The following STARD13 variants were observed in gnomAD, a reference collection of about 807,000 sequenced individuals.
STARD13 encodes stAR-related lipid transfer protein 13.
STARD13 carries 62 observed loss-of-function variants against 106.4 expected under a neutral mutation model. The observed-to-expected ratio is 0.58, with a 90% CI of 0.48 to 0.72. The LOEUF is 0.72. Among genes scored for constraint, STARD13 ranks in the 30% least tolerant of loss-of-function variants. STARD13 has a pLI of 0.00. For synonymous variants in STARD13, 565 were observed against 553.0 expected (o/e 1.02, Z -0.31); for missense variants, 1,387 against 1,424.0 (o/e 0.97, Z 0.42).
the STARD13 span, among the ~76,000 whole-genome samples, chr13:33,535,032 A>G: frequency 6.6e-6 from 1 of 152,118 alleles, no homozygotes; most frequent in Admixed American, 6.5e-5. Context: ...CCTGGCCAAC[A>G]TGGTGAAACT....
At chr13:33,603,089 A>C in the STARD13 span, among the ~76,000 whole-genome samples, 10 of 152,264 alleles carry the variant, frequency 6.6e-5, no homozygotes, top group South Asian at 1.9e-3. Context: ...CGGGCCTCTC[A>C]AAGTATCAAA....
chr13:33,371,210 A>G, the STARD13 span, among the ~76,000 whole-genome samples: 5 of 152,196 alleles, frequency 3.3e-5, no homozygotes, highest in African/African-American at 1.2e-4. Flanking sequence ...TATGCTCTAG[A>G]AGAGGTCAGC....
In STARD13 at chr13:33,130,145, T is replaced by C. The variant is rs903298149; in HGVS notation, c.532A>G (p.Arg178Gly). 5.0e-6 allele frequency: 8 copies of C among 1,614,118 alleles called. No individual in the cohort carries two copies. The highest frequency in any genetic ancestry group is 6.8e-6 in the Non-Finnish European group (8 of 1,180,016). The change falls in exon 5 of 14, where the codon AGG becomes GGG. Residue 178 changes from arginine to glycine, a missense_variant. Transcript: ENST00000336934. This position sits in a 1 kb window ranked among gnomAD's most constrained non-coding sequence, Gnocchi z 4.1. The part of the protein sequence containing the change: ...RNGSPGGTGM[R>G]NTTSSESVLT... Reference sequence around the variant, plus strand: ...ACGCTCTCACTGCTGGTCGTGTTCCTCATCCCCGTGCCTCCCGGTGACCCA... The same window carrying C: ...ACGCTCTCACTGCTGGTCGTGTTCCCCATCCCCGTGCCTCCCGGTGACCCA...
chr13:33,585,964 G>T, the STARD13 span, among the ~76,000 whole-genome samples: 1 of 152,142 alleles, frequency 6.6e-6, no homozygotes, highest in African/African-American at 2.4e-5. Context: ...TGTTTGATGG[G>T]GATGAAGTTT....
chr13:33,219,798 G>A (rs1160077979), intron 1 of STARD13, among the ~76,000 whole-genome samples: 1 of 111,714 alleles, frequency 9.0e-6, no homozygotes, highest in African/African-American at 3.3e-5. Flanking sequence ...GCAAAATCCT[G>A]TCTCTAAAAA....
the STARD13 span, among the ~76,000 whole-genome samples, chr13:33,538,218 G>T: frequency 6.6e-6 from 1 of 152,104 alleles, no homozygotes; most frequent in African/African-American, 2.4e-5. Context: ...CCGAAGAAGG[G>T]TGCAGAAAAT....
the STARD13 span, among the ~76,000 whole-genome samples, chr13:33,380,114 G>A: frequency 3.3e-5 from 5 of 152,104 alleles, 1 homozygote; most frequent in South Asian, 4.1e-4. Context: ...GGCCAGGCGC[G>A]GTGGCTCATG....
chr13:33,202,605 G>C (rs927514809), intron 1 of STARD13, among the ~76,000 whole-genome samples: 3 of 152,204 alleles, frequency 2.0e-5, no homozygotes, highest in African/African-American at 7.2e-5. Context: ...ATAAAACCTT[G>C]ATTAGAAGTT....
chr13:33,284,724 T>A (rs957914696), intron 1 of STARD13, among the ~76,000 whole-genome samples: 12 of 147,626 alleles, frequency 8.1e-5, no homozygotes, highest in Non-Finnish European at 1.5e-4. Context: ...GAGCATGTTT[T>A]AAATTTTTTT....
chr13:33,221,115 A>G (rs902849395), intron 1 of STARD13, among the ~76,000 whole-genome samples: 1 of 152,238 alleles, frequency 6.6e-6, no homozygotes, highest in African/African-American at 2.4e-5. Flanking sequence ...CCTAACAAAA[A>G]TTGTACCATG....
the STARD13 span, among the ~76,000 whole-genome samples, chr13:33,565,886 T>G: frequency 6.7e-6 from 1 of 148,644 alleles, no homozygotes; most frequent in East Asian, 2.0e-4. Flanking sequence ...TTCCCAAGCC[T>G]AATTAATTAC....
intron 1 of STARD13, among the ~76,000 whole-genome samples, chr13:33,235,044 G>A (rs1358904794): frequency 6.6e-6 from 1 of 152,200 alleles, no homozygotes; most frequent in Non-Finnish European, 1.5e-5. Context: ...GAAGCCATTA[G>A]TACAGTGGTT....
chr13:33,205,790 A>G (rs1381545642), intron 1 of STARD13: 18 of 928,986 alleles, frequency 1.9e-5, no homozygotes, highest in Non-Finnish European at 2.2e-5. Flanking sequence ...CACCACCACG[A>G]CCTCTTTTTC....
the STARD13 span, among the ~76,000 whole-genome samples, chr13:33,570,716 T>A: frequency 6.6e-6 from 1 of 152,136 alleles, no homozygotes; most frequent in Non-Finnish European, 1.5e-5. Flanking sequence ...GTTCTTTAGA[T>A]GCGTTTAACG....
the STARD13 span, among the ~76,000 whole-genome samples, chr13:33,585,821 T>TA: frequency 6.6e-6 from 1 of 152,244 alleles, no homozygotes; most frequent in African/African-American, 2.4e-5. Context: ...TATGCTAAGT[T>TA]ACATAGCCAG....
the STARD13 span, among the ~76,000 whole-genome samples, chr13:33,510,935 A>G: frequency 2.0e-5 from 3 of 152,240 alleles, no homozygotes; most frequent in African/African-American, 7.2e-5. Context: ...CCTAACAGCT[A>G]ATTAAAATAA....
the STARD13 span, among the ~76,000 whole-genome samples, chr13:33,538,057 A>G: frequency 6.6e-6 from 1 of 152,116 alleles, no homozygotes; most frequent in African/African-American, 2.4e-5. Context: ...AACAAAAAGT[A>G]TTGACACTAG....
chr13:33,182,109 G>A (rs763910689), intron 1 of STARD13, among the ~76,000 whole-genome samples: 3 of 152,294 alleles, frequency 2.0e-5, no homozygotes, highest in Middle Eastern at 6.8e-3. Flanking sequence ...CACCACACAT[G>A]TACACACATC....
At chr13:33,534,523 T>C in the STARD13 span, among the ~76,000 whole-genome samples, 1 of 152,238 alleles carries the variant, frequency 6.6e-6, no homozygotes, top group African/African-American at 2.4e-5. Context: ...TATCCTTGTT[T>C]TAAAGATATT....
Sources: gnomAD v4.1 joint callset for allele counts (sites outside exome capture counted in the v4.1 genomes callset) on GRCh38, gnomAD v4.1.1 for gene constraint, Gnocchi (gnomAD v3.1) non-coding constraint, MANE v1.5 for transcripts, NCBI Gene and HGNC (gene_info 2026-07-23, HGNC 2026-07-21) for gene names.